STIMATE: variants seen among roughly 807,000 people sequenced by gnomAD.
STIMATE encodes store-operated calcium entry regulator STIMATE.
A neutral mutation model predicts 36.7 loss-of-function variants in STIMATE; 15 were observed. The ratio of observed to expected loss-of-function variants is 0.41; its 90% CI spans 0.27 to 0.63. The LOEUF (loss-of-function observed/expected upper bound fraction) is 0.63, where lower values mean the gene tolerates loss of function less well. Ranked by LOEUF, STIMATE falls within the 20% of genes least tolerant of loss-of-function variation. The pLI is 0.32. For missense variants in STIMATE, 305 were observed against 397.3 expected, an observed-to-expected ratio of 0.77 and a Z score of 1.98; for synonymous variants, 163 against 162.3, an observed-to-expected ratio of 1.00 and a Z score of -0.03.
chr3:52,889,303 C>T (rs140422616), intron 1 of STIMATE, among the ~76,000 whole-genome samples: 10 of 152,308 alleles, frequency 6.6e-5, no homozygotes, highest in East Asian at 3.9e-4. Flanking sequence ...GCTCAGTGGG[C>T]GACGGTGGTT....
At chr3:52,888,662 G>C (rs1462541542) in intron 1 of STIMATE, among the ~76,000 whole-genome samples, 11 of 152,126 alleles carry the variant, frequency 7.2e-5, no homozygotes, top group Admixed American at 7.2e-4. Context: ...AGCCCACGAA[G>C]AACACAGATG....
At chr3:52,891,478 G>A (rs79655835) in intron 1 of STIMATE, among the ~76,000 whole-genome samples, 2,630 of 152,292 alleles carry the variant, frequency 0.017, 71 homozygotes, top group African/African-American at 0.059. Flanking sequence ...CTTGAAGCAG[G>A]TTCATCACCT....
intron 1 of STIMATE, among the ~76,000 whole-genome samples, chr3:52,887,641 C>A (rs968335538): frequency 6.6e-6 from 1 of 152,204 alleles, no homozygotes; most frequent in Non-Finnish European, 1.5e-5. Flanking sequence ...GCCTCTCCTA[C>A]CCACGACCTG....
intron 1 of STIMATE, among the ~76,000 whole-genome samples, chr3:52,878,790 C>T (rs981774210): frequency 1.3e-5 from 2 of 152,156 alleles, no homozygotes; most frequent in Non-Finnish European, 2.9e-5. Flanking sequence ...TTCAGAGGAC[C>T]AGCTCCCCAG....
chr3:52,843,966 C>G (rs576830865), intron 5 of STIMATE, among the ~76,000 whole-genome samples, 168 bp from the exon 6 acceptor site: 1 of 152,182 alleles, frequency 6.6e-6, no homozygotes, highest in Non-Finnish European at 1.5e-5. Context: ...AGACTGTCCA[C>G]AAGGAACCCT....
intron 1 of STIMATE, among the ~76,000 whole-genome samples, chr3:52,873,802 C>T (rs935794291): frequency 6.6e-6 from 1 of 152,150 alleles, no homozygotes; most frequent in Non-Finnish European, 1.5e-5. Context: ...CTGGAAGGAC[C>T]CTACCCTGTG....
At chr3:52,845,162 G>A (rs970104831) in intron 4 of STIMATE, among the ~76,000 whole-genome samples, 2 of 152,198 alleles carry the variant, frequency 1.3e-5, no homozygotes, top group African/African-American at 4.8e-5. Flanking sequence ...ATACTAAAAT[G>A]GCCTTTCTTT....
intron 1 of STIMATE, among the ~76,000 whole-genome samples, chr3:52,890,952 G>A (rs931160164): frequency 1.3e-5 from 2 of 152,166 alleles, no homozygotes; most frequent in African/African-American, 2.4e-5. Context: ...CCCAGGCAAG[G>A]AAAATCTTCA....
intron 3 of STIMATE, among the ~76,000 whole-genome samples, chr3:52,850,676 C>T (rs1700982595): frequency 6.6e-6 from 1 of 152,248 alleles, no homozygotes; most frequent in African/African-American, 2.4e-5. Flanking sequence ...GAGGACAGGG[C>T]AACATGGCCT....
At position 52,840,541 on chromosome 3, in the gene STIMATE, G is replaced by C. The variant is rs764742814; in HGVS notation, c.838C>G (p.Leu280Val). 34 of 1,613,816 alleles carry C rather than the reference G, an allele frequency of 2.1e-5. No homozygotes were observed. The highest frequency in any genetic ancestry group is 1.1e-5 in the South Asian group (1 of 91,076). The change falls in exon 8 of 8, where the codon CTC (leucine) becomes GTC (valine). Residue 280 changes from leucine (L) to valine (V), a missense_variant. By Grantham distance (32) the Leu-to-Val change is conservative (BLOSUM62 1). Coordinates refer to ENST00000355083, the MANE Select transcript of STIMATE (RefSeq NM_198563.5). ...TGCTTCTTTTTCTTCACAGGCTTGAGGGGGGTCAGTCTGCGGAGGTCCTCC... is the reference window on the plus strand; with the variant it reads ...TGCTTCTTTTTCTTCACAGGCTTGACGGGGGTCAGTCTGCGGAGGTCCTCC... The part of the protein sequence containing the change: ...VEEDLRRLTP[L>V]KPVKKKKHRF...
chr3:52,866,178 C>A (rs899091399), intron 1 of STIMATE, among the ~76,000 whole-genome samples: 1 of 152,254 alleles, frequency 6.6e-6, no homozygotes, highest in African/African-American at 2.4e-5. Flanking sequence ...CCGCTCTCCA[C>A]AGAGGCTGTG....
At chr3:52,875,079 C>T (rs80000862) in intron 1 of STIMATE, among the ~76,000 whole-genome samples, 4,487 of 152,206 alleles carry the variant, frequency 0.029, 220 homozygotes, top group African/African-American at 0.1. Context: ...ATCACTGCTG[C>T]GCTGTTATCT....
chr3:52,844,829 C>T lies in STIMATE; in HGVS notation c.540G>A (p.Lys180=). 1 of 1,613,300 alleles carries T rather than the reference C, an allele frequency of 6.2e-7. No individual in the cohort carries two copies. Among genetic ancestry groups the T allele is most frequent in the Non-Finnish European group, 8.5e-7 (1 of 1,179,494 alleles). ...CTGCTCATGCAGGGACGAAGCAAAC[C>T]TTTTTCCACTGAAGTATTAGGAGGA... ...FIVLLILQWK[K]VALLNPIENP... The change falls in exon 5 of 8, where the codon AAG becomes AAA. Residue 180 remains lysine, a splice_region_variant and synonymous_variant. Coordinates refer to ENST00000355083, the MANE Select transcript of STIMATE (RefSeq NM_198563.5).
chr3:52,850,076 G>T (rs1700971309), intron 3 of STIMATE, among the ~76,000 whole-genome samples, 163 bp from the exon 4 acceptor site: 1 of 152,258 alleles, frequency 6.6e-6, no homozygotes, highest in Non-Finnish European at 1.5e-5. Context: ...ACTACCATGT[G>T]CTGAAGCTCA....
At chr3:52,893,533 G>A (rs1353350220) in intron 1 of STIMATE, among the ~76,000 whole-genome samples, 6 of 152,156 alleles carry the variant, frequency 3.9e-5, no homozygotes, top group Admixed American at 6.5e-5. Context: ...AGAGGTGATC[G>A]TAGGGAAGGT....
At chr3:52,880,199 C>T (rs1288002763) in intron 1 of STIMATE, among the ~76,000 whole-genome samples, 1 of 152,148 alleles carries the variant, frequency 6.6e-6, no homozygotes, top group Non-Finnish European at 1.5e-5. Flanking sequence ...TCAGACTCTC[C>T]AACCAGGCAA....
intron 1 of STIMATE, among the ~76,000 whole-genome samples, chr3:52,865,018 C>A (rs1370077923): frequency 6.6e-6 from 1 of 151,758 alleles, no homozygotes; most frequent in Non-Finnish European, 1.5e-5. Flanking sequence ...GTGATCTCGG[C>A]TCACTGCAAC....
intron 1 of STIMATE, 130 bp from the exon 2 acceptor site, chr3:52,855,574 T>A: frequency 7.6e-7 from 1 of 1,309,736 alleles, no homozygotes; most frequent in Non-Finnish European, 1.1e-6. Flanking sequence ...TTTTAACATG[T>A]AACAACATAC....
chr3:52,867,274 C>T (rs1273849199), intron 1 of STIMATE, among the ~76,000 whole-genome samples: 1 of 152,190 alleles, frequency 6.6e-6, no homozygotes, highest in Non-Finnish European at 1.5e-5. Context: ...CATCACAGGC[C>T]TCCCAGTGGC....
Sources: allele counts gnomAD v4.1 joint callset (sites outside exome capture counted in the v4.1 genomes callset), GRCh38; gene constraint gnomAD v4.1.1; transcripts MANE v1.5; gene names NCBI Gene and HGNC (gene_info 2026-07-23, HGNC 2026-07-21).